The following MED13 variants were observed in gnomAD, a reference collection of about 807,000 sequenced individuals.
MED13 encodes the protein mediator of RNA polymerase II transcription subunit 13.
Under a neutral mutation model 225.2 loss-of-function variants are expected in MED13, and 23 were observed. That is an observed-to-expected ratio of 0.10 (90% CI 0.07 to 0.14). The LOEUF is 0.14. MED13 is among the 10% of genes least tolerant of loss of function. The probability of loss-of-function intolerance (pLI) is 1.00; values close to 1 mark genes in which losing one functional copy is unlikely to be tolerated. For synonymous variants in MED13, 942 were observed against 889.2 expected (o/e 1.06, Z -1.06); for missense variants, 2,197 against 2,594.5 (o/e 0.85, Z 3.33).
chr17:62,023,994 G>T (rs1040304532), intron 8 of MED13, among the ~76,000 whole-genome samples: 1 of 151,396 alleles, frequency 6.6e-6, no homozygotes, highest in Non-Finnish European at 1.5e-5. Context: ...ATGCCTCTGA[G>T]AAATTTCTGA....
At chr17:61,950,243 C>A (rs2079885151) in intron 28 of MED13, among the ~76,000 whole-genome samples, 1 of 151,970 alleles carries the variant, frequency 6.6e-6, no homozygotes, top group South Asian at 2.1e-4. Context: ...TTGAGCATCT[C>A]CAATTTGAAA....
intron 2 of MED13, among the ~76,000 whole-genome samples, chr17:62,060,586 C>CA (rs763490385): frequency 1.8e-4 from 25 of 140,694 alleles, no homozygotes; most frequent in Admixed American, 3.7e-4. Context: ...CCACTGCACT[C>CA]AGAGAGCGAG....
intron 21 of MED13, among the ~76,000 whole-genome samples, chr17:61,962,057 G>A (rs1475408633): frequency 1.3e-5 from 2 of 152,162 alleles, no homozygotes; most frequent in Non-Finnish European, 2.9e-5. Context: ...GGAGGCCGAG[G>A]TGGGCAGATC....
chr17:62,035,603 T>A lies in MED13; in HGVS notation c.476A>T (p.His159Leu), dbSNP rs918956212. ...GAAAAAGGTGAAGGAGCAGGACAAG[T>A]GTTCACTAAAAAAGAAGAAAAAGTT... is the stretch of plus-strand genomic sequence containing the variant. ...KDEKPINKSE[H>L]LSCSFTFFLH... Residue 159 changes from histidine (H) to leucine (L), a missense_variant, in exon 4 of 30, where the codon CAC (histidine) becomes CTC (leucine). Physicochemically the swap from His to Leu is moderately conservative, Grantham distance 99. Transcript: ENST00000397786. The A allele has an allele frequency of 9.4e-6, 15 of 1,603,352 alleles. No homozygotes were observed. Among genetic ancestry groups the A allele is most frequent in the African/African-American group, 2.7e-5 (2 of 74,310 alleles).
intron 8 of MED13, among the ~76,000 whole-genome samples, chr17:62,014,828 T>C (rs2080547369): frequency 6.6e-6 from 1 of 152,232 alleles, no homozygotes; most frequent in Non-Finnish European, 1.5e-5. Flanking sequence ...GAATTTTTAA[T>C]TGTATTTAAA....
chr17:62,026,049 T>G (rs918076760), intron 8 of MED13, among the ~76,000 whole-genome samples: 1 of 152,190 alleles, frequency 6.6e-6, no homozygotes, highest in East Asian at 1.9e-4. Flanking sequence ...CTCCATTTGT[T>G]TGGTTCACTT....
intron 12 of MED13, among the ~76,000 whole-genome samples, chr17:61,986,329 G>A (rs1376870555): frequency 6.6e-6 from 1 of 152,068 alleles, no homozygotes; most frequent in East Asian, 1.9e-4. Context: ...GGAAAGGAAA[G>A]ATCAAATGTA....
chr17:62,060,499 AG>A (rs2081030117), intron 2 of MED13, among the ~76,000 whole-genome samples: 2 of 151,542 alleles, frequency 1.3e-5, no homozygotes, highest in Non-Finnish European at 2.9e-5. Flanking sequence ...GGGCGCCTGT[AG>A]TCCCAGGTAC....
At chr17:62,002,752 T>C (rs2080407541) in intron 9 of MED13, among the ~76,000 whole-genome samples, 1 of 152,232 alleles carries the variant, frequency 6.6e-6, no homozygotes, top group African/African-American at 2.4e-5. Context: ...CCATGTCAAG[T>C]ATCTCACTCT....
chr17:62,017,219 T>TAAAA (rs555881211), intron 8 of MED13, among the ~76,000 whole-genome samples: 204 of 84,212 alleles, frequency 2.4e-3, no homozygotes, highest in African/African-American at 8.8e-3. Flanking sequence ...ACTAAAATGC[T>TAAAA]AAAAAAAAAA....
intron 8 of MED13, among the ~76,000 whole-genome samples, chr17:62,018,548 T>C (rs924064969): frequency 5.3e-5 from 8 of 151,792 alleles, no homozygotes; most frequent in African/African-American, 1.9e-4. Context: ...CTATTACAAA[T>C]ACACACACAC....
chr17:61,947,075 G>A, intron 28 of MED13, 58 bp from the exon 29 acceptor site: 3 of 1,197,256 alleles, frequency 2.5e-6, no homozygotes, highest in Non-Finnish European at 2.5e-6. Context: ...CTGCTATTTA[G>A]TTTTACCTTA....
intron 26 of MED13, among the ~76,000 whole-genome samples, chr17:61,954,552 G>A (rs973520866): frequency 6.6e-6 from 1 of 152,126 alleles, no homozygotes; most frequent in Non-Finnish European, 1.5e-5. Flanking sequence ...CAAGGTGGGT[G>A]GATCATTTGA....
chr17:61,993,071 A>G (rs913956907), intron 10 of MED13, among the ~76,000 whole-genome samples: 4 of 151,686 alleles, frequency 2.6e-5, no homozygotes, highest in African/African-American at 9.7e-5. Flanking sequence ...GGCCTGTGGT[A>G]TGTTTATCTT....
intron 4 of MED13, 37 bp downstream of exon 4, chr17:62,035,426 T>C: frequency 2.0e-6 from 3 of 1,514,286 alleles, no homozygotes; most frequent in Middle Eastern, 2.2e-4. Context: ...GATCTTTCAA[T>C]AAAAGATCAA....
chr17:62,048,135 G>C (rs1355362164), intron 3 of MED13, among the ~76,000 whole-genome samples: 2 of 148,828 alleles, frequency 1.3e-5, no homozygotes, highest in South Asian at 4.2e-4. Flanking sequence ...GCTGGACACA[G>C]TGGCTCACAC....
At chr17:62,012,799 C>CTT (rs1027058014) in intron 8 of MED13, among the ~76,000 whole-genome samples, 1 of 145,296 alleles carries the variant, frequency 6.9e-6, no homozygotes. Context: ...TACTGAGACA[C>CTT]TTTTTTTTTT....
chr17:62,019,744 T>G (rs1208812545), intron 8 of MED13, among the ~76,000 whole-genome samples: 1 of 151,366 alleles, frequency 6.6e-6, no homozygotes, highest in East Asian at 1.9e-4. Flanking sequence ...ATTTCTTTTT[T>G]TCTTTTTTTT....
intron 3 of MED13, among the ~76,000 whole-genome samples, chr17:62,048,583 T>C (rs2080924600): frequency 6.6e-6 from 1 of 151,958 alleles, no homozygotes; most frequent in African/African-American, 2.4e-5. Context: ...ATGATGTATT[T>C]AAAAGATTAA....
Sources: gnomAD v4.1 joint callset for allele counts (sites outside exome capture counted in the v4.1 genomes callset) on GRCh38, gnomAD v4.1.1 for gene constraint, MANE v1.5 for transcripts, NCBI Gene and HGNC (gene_info 2026-07-23, HGNC 2026-07-21) for gene names.